Variants in ST8SIA5 observed in about 807,000 individuals in gnomAD.
ST8SIA5 encodes the protein alpha-2,8-sialyltransferase 8E.
ST8SIA5 carries 24 observed loss-of-function variants against 40.2 expected under a neutral mutation model. That is an observed-to-expected ratio of 0.60 (90% CI 0.43 to 0.84). The LOEUF is 0.84. Among genes scored for constraint, ST8SIA5 ranks in the 40% least tolerant of loss-of-function variants. The pLI is 0.00. For synonymous variants in ST8SIA5, 198 were observed against 201.8 expected, an observed-to-expected ratio of 0.98 and a Z score of 0.16; for missense variants, 465 against 498.5, an observed-to-expected ratio of 0.93 and a Z score of 0.64.
chr18:46,703,938 T>A lies in ST8SIA5; in HGVS notation c.224+634A>T, dbSNP rs368891464. Among the ~76,000 whole-genome samples the A allele has an allele frequency of 1.6e-3, 248 of 152,338 alleles. 2 individuals carry two copies. The highest frequency in any genetic ancestry group is 5.7e-3 in the African/African-American group (237 of 41,572). On this transcript the variant is annotated intron_variant, in intron 2 of 6. Transcript: ENST00000315087. ...GTGGGTTGAAAAGAGCTATAGGTGA[T>A]GCATTGTTAAGTGGGGAGTGGGGAG...
rs1204767052 is a variant in ST8SIA5 at position 46,707,465 on chromosome 18, G to T, written c.132-2801C>A. ...CCAGCCCTTCCATTTCCTCCACAAA[G>T]GCATTCCTGCCTTGCCTCTTCCTTG... On this transcript the variant is annotated intron_variant, in intron 1 of 6. Transcript: ENST00000315087. Among the ~76,000 whole-genome samples, 7 of 152,234 alleles carry T rather than the reference G, an allele frequency of 4.6e-5. No individual in the cohort carries two copies. The South Asian group carries it at 1.5e-3, about 32-fold the overall frequency.
chr18:46,725,972 A>AAAAAAAAAATATATAT (rs59660372), intron 1 of ST8SIA5, among the ~76,000 whole-genome samples: 1 of 29,096 alleles, frequency 3.4e-5, no homozygotes, highest in East Asian at 1.1e-3. Flanking sequence ...AAAAAAAAAA[A>AAAAAAAAAATATATAT]ATATATATAT....
intron 1 of ST8SIA5, among the ~76,000 whole-genome samples, chr18:46,707,133 C>T (rs1448925514): frequency 1.3e-5 from 2 of 152,162 alleles, no homozygotes; most frequent in East Asian, 3.8e-4. Flanking sequence ...GCTCTGGTGT[C>T]CTATCACAAA....
In ST8SIA5 at chr18:46,748,526, T is replaced by C. The variant is rs530457062; in HGVS notation, c.131+7852A>G. Among the ~76,000 whole-genome samples, 4 of 132,008 alleles carry C rather than the reference T, an allele frequency of 3.0e-5. No individual in the cohort carries two copies. In the East Asian group the frequency reaches 7.0e-4, roughly 23 times the overall value. The allele number at this position is 132,008 out of a possible 152,430, so 86.6% of individuals were successfully genotyped here. A position where few individuals can be genotyped will look rare whatever the true frequency, so the allele number is the denominator to read the frequency against. Reference sequence around the variant, plus strand: ...TTGCACTGAGCTGAGATCGCACCATTGCACTCCAGCCTGGGCAAAACTTCC... The same window carrying C: ...TTGCACTGAGCTGAGATCGCACCATCGCACTCCAGCCTGGGCAAAACTTCC... On this transcript the variant is annotated intron_variant, in intron 1 of 6. Transcript: ENST00000315087.
chr18:46,744,868 T>A (rs1341669405), intron 1 of ST8SIA5, among the ~76,000 whole-genome samples: 2 of 152,224 alleles, frequency 1.3e-5, no homozygotes, highest in Non-Finnish European at 2.9e-5. Context: ...AAACTGTCTC[T>A]CAGACCACAG....
At chr18:46,686,709 C>T (rs1190426030) in intron 4 of ST8SIA5, among the ~76,000 whole-genome samples, 2 of 151,378 alleles carry the variant, frequency 1.3e-5, no homozygotes, top group Non-Finnish European at 2.9e-5. Flanking sequence ...ATTTGTGGTC[C>T]ATTTTCCCTG....
At position 46,755,565 on chromosome 18, in the gene ST8SIA5, C is replaced by G. The variant is rs144320980; in HGVS notation, c.131+813G>C. Among the ~76,000 whole-genome samples the G allele has an allele frequency of 2.6e-3, 391 of 152,240 alleles. 2 individuals are homozygous for G. The highest frequency in any genetic ancestry group is 8.3e-3 in the East Asian group (43 of 5,170). ...TGTTTCCTTAAGCCAGCAGAGCCGG[C>G]AGAAGGAAGTGGCTGGCATTTCAGT... On this transcript the variant is annotated intron_variant, in intron 1 of 6. Coordinates refer to ENST00000315087, the MANE Select transcript of ST8SIA5 (RefSeq NM_013305.6).
chr18:46,721,391 T>G (rs912907892), intron 1 of ST8SIA5: 1 of 1,536,006 alleles, frequency 6.5e-7, no homozygotes, highest in African/African-American at 1.4e-5. Flanking sequence ...CGCTCTGCAC[T>G]GCTGGATCAT....
At chr18:46,747,366 AT>A (rs1235977020) in intron 1 of ST8SIA5, among the ~76,000 whole-genome samples, 1 of 152,200 alleles carries the variant, frequency 6.6e-6, no homozygotes, top group Non-Finnish European at 1.5e-5. Flanking sequence ...ATTTAAACAA[AT>A]TTACAAGAAA....
At chr18:46,699,504 C>G in intron 2 of ST8SIA5, among the ~76,000 whole-genome samples, 1 of 152,116 alleles carries the variant, frequency 6.6e-6, no homozygotes, top group South Asian at 2.1e-4. Flanking sequence ...CTCAGCCTCC[C>G]GAGTAGCTGG....
chr18:46,740,292 C>A (rs2144558507), intron 1 of ST8SIA5, among the ~76,000 whole-genome samples: 1 of 152,058 alleles, frequency 6.6e-6, no homozygotes, highest in East Asian at 1.9e-4. Flanking sequence ...ACACTGGGAA[C>A]CTCCTCCTAA....
chr18:46,715,157 G>GT (rs2039774497), intron 1 of ST8SIA5, among the ~76,000 whole-genome samples: 1 of 152,194 alleles, frequency 6.6e-6, no homozygotes, highest in Non-Finnish European at 1.5e-5. Flanking sequence ...TCCCAGTTGG[G>GT]TGAAGCTCAA....
chr18:46,720,946 G>C (rs1472593345), intron 1 of ST8SIA5, among the ~76,000 whole-genome samples: 2 of 152,116 alleles, frequency 1.3e-5, no homozygotes, highest in African/African-American at 2.4e-5. Flanking sequence ...GGGAGTACCT[G>C]GGCAAGGGAC....
intron 3 of ST8SIA5, among the ~76,000 whole-genome samples, chr18:46,689,422 G>A (rs920087351): frequency 6.6e-6 from 1 of 152,134 alleles, no homozygotes; most frequent in Non-Finnish European, 1.5e-5. Context: ...CTGGATTCTT[G>A]CTTCTGCTCT....
chr18:46,745,817 A>G (rs1196570796), intron 1 of ST8SIA5, among the ~76,000 whole-genome samples: 1 of 152,256 alleles, frequency 6.6e-6, no homozygotes, highest in Non-Finnish European at 1.5e-5. Flanking sequence ...AAAGTCCTCA[A>G]TAAAATACTG....
At chr18:46,685,062 A>G (rs1374701539) in intron 5 of ST8SIA5, among the ~76,000 whole-genome samples, 1 of 152,140 alleles carries the variant, frequency 6.6e-6, no homozygotes, top group Non-Finnish European at 1.5e-5. Context: ...GAGCTATACA[A>G]TCATTATGTG....
chr18:46,726,113 G>A (rs1016782454), intron 1 of ST8SIA5, among the ~76,000 whole-genome samples: 1 of 144,752 alleles, frequency 6.9e-6, no homozygotes, highest in Admixed American at 6.9e-5. Flanking sequence ...AGAATTGCTT[G>A]AACCTGGGAG....
chr18:46,742,854 G>A (rs548234323), intron 1 of ST8SIA5, among the ~76,000 whole-genome samples: 37 of 152,190 alleles, frequency 2.4e-4, no homozygotes, highest in Non-Finnish European at 4.7e-4. Context: ...CCTCTGGGAC[G>A]AAACTTTCAA....
At chr18:46,688,639 G>C (rs2039471732) in intron 4 of ST8SIA5, 136 bp downstream of exon 4, 1 of 1,154,532 alleles carries the variant, frequency 8.7e-7, no homozygotes, top group Non-Finnish European at 1.2e-6. Flanking sequence ...TCAGACAACT[G>C]GTCAACCAGG....
Sources: allele counts gnomAD v4.1 joint callset (sites outside exome capture counted in the v4.1 genomes callset), GRCh38; gene constraint gnomAD v4.1.1; transcripts MANE v1.5; gene names NCBI Gene and HGNC (gene_info 2026-07-23, HGNC 2026-07-21).